The following GPC5 variants were observed in gnomAD, a reference collection of about 807,000 sequenced individuals.
GPC5 encodes glypican 5.
In GPC5, 47 loss-of-function variants were observed where a neutral mutation model predicts 53.9. The ratio of observed to expected loss-of-function variants is 0.87; its 90% CI spans 0.69 to 1.11. The LOEUF is 1.11. Among genes scored for constraint, GPC5 ranks in the 50% most tolerant of loss-of-function variants. GPC5 has a pLI of 0.00. For missense variants in GPC5, 748 were observed against 713.1 expected, an observed-to-expected ratio of 1.05 and a Z score of -0.56; for synonymous variants, 286 against 263.3, an observed-to-expected ratio of 1.09 and a Z score of -0.84.
intron 7 of GPC5, among the ~76,000 whole-genome samples, chr13:92,799,686 GC>G (rs1876830258): frequency 6.6e-6 from 1 of 151,826 alleles, no homozygotes; most frequent in Admixed American, 6.6e-5. Flanking sequence ...CTTTACCAAT[GC>G]CTGGGTTTGA....
At chr13:91,719,755 T>C (rs1219376582) in intron 3 of GPC5, among the ~76,000 whole-genome samples, 1 of 152,200 alleles carries the variant, frequency 6.6e-6, no homozygotes, top group Non-Finnish European at 1.5e-5. Context: ...GAATAAAATA[T>C]ATTCTACTCC....
rs186292289 is a variant in GPC5 at position 92,242,884 on chromosome 13, G to T, written c.1561+97895G>T. Among the ~76,000 whole-genome samples, 122 of 152,178 alleles carry T rather than the reference G, an allele frequency of 8.0e-4. 4 individuals are homozygous for T. The Middle Eastern group carries it at 0.014, about 17-fold the overall frequency. On this transcript the variant is annotated intron_variant, in intron 7 of 7. Coordinates refer to ENST00000377067, the MANE Select transcript of GPC5 (RefSeq NM_004466.6). ...CAATCTGTAAGAAAGAAATATTAAA[G>T]CTATAGGATTTTATGTGTCTAATTT...
At chr13:91,825,472 T>A (rs998129956) in intron 5 of GPC5, among the ~76,000 whole-genome samples, 4 of 152,148 alleles carry the variant, frequency 2.6e-5, no homozygotes, top group Non-Finnish European at 5.9e-5. Context: ...TGAATCATAA[T>A]GCCTTATAAT....
intron 7 of GPC5, among the ~76,000 whole-genome samples, chr13:92,837,538 G>A (rs1236918084): frequency 1.3e-5 from 2 of 152,136 alleles, no homozygotes; most frequent in Non-Finnish European, 2.9e-5. Context: ...ACGGAGATAT[G>A]CCACTGTGGG....
intron 7 of GPC5, among the ~76,000 whole-genome samples, chr13:92,277,200 A>ATC (rs1241045268): frequency 1.3e-5 from 2 of 152,040 alleles, no homozygotes; most frequent in African/African-American, 4.8e-5. Flanking sequence ...ATTGTAGGGA[A>ATC]TTGACACCCA....
intron 5 of GPC5, among the ~76,000 whole-genome samples, chr13:91,789,698 G>A (rs1168589145): frequency 6.6e-6 from 1 of 152,168 alleles, no homozygotes; most frequent in Non-Finnish European, 1.5e-5. Flanking sequence ...TGTACCTGTT[G>A]TAGTTCATTT....
At chr13:92,079,596 T>C (rs1470683349) in intron 6 of GPC5, among the ~76,000 whole-genome samples, 1 of 152,236 alleles carries the variant, frequency 6.6e-6, no homozygotes, top group African/African-American at 2.4e-5. Context: ...CTTTCCTTAC[T>C]TCGACAACAC....
intron 5 of GPC5, among the ~76,000 whole-genome samples, chr13:91,858,591 G>A (rs544344552): frequency 5.3e-5 from 8 of 151,962 alleles, no homozygotes; most frequent in South Asian, 2.1e-4. Context: ...GCATTTTTGC[G>A]TCAATGTTCA....
Position 92,707,630 on chromosome 13 carries a change from T to TA in GPC5, c.1562-158641dup, listed in dbSNP as rs925125375. ...AGAAACACAAATGAAAGCTCTTCTT[T>TA]AAAAAAAAAAATGCATGTGTACTAA... On this transcript the variant is annotated intron_variant, in intron 7 of 7. Coordinates refer to ENST00000377067, the MANE Select transcript of GPC5 (RefSeq NM_004466.6). Among the ~76,000 whole-genome samples the TA allele has an allele frequency of 5.2e-3, 764 of 147,026 alleles. 1 individual carries two copies. The highest frequency in any genetic ancestry group is 8.7e-3 in the African/African-American group (352 of 40,236).
chr13:92,497,017 T>G (rs950575932), intron 7 of GPC5, among the ~76,000 whole-genome samples: 2 of 152,180 alleles, frequency 1.3e-5, no homozygotes, highest in Middle Eastern at 3.2e-3. Context: ...CTTTATCAGA[T>G]GGGTAGATTA....
At chr13:92,855,270 G>T (rs1878958547) in intron 7 of GPC5, among the ~76,000 whole-genome samples, 1 of 151,692 alleles carries the variant, frequency 6.6e-6, no homozygotes, top group Non-Finnish European at 1.5e-5. Flanking sequence ...TTTCCTCAGT[G>T]GATTAGGAAT....
At chr13:92,503,576 A>G (rs1270918738) in intron 7 of GPC5, among the ~76,000 whole-genome samples, 2 of 151,778 alleles carry the variant, frequency 1.3e-5, no homozygotes, top group East Asian at 1.9e-4. Flanking sequence ...AAAAAAACCC[A>G]GGAAAACAAC....
At chr13:91,416,443 A>C (rs1197767252) in intron 1 of GPC5, among the ~76,000 whole-genome samples, 1 of 144,666 alleles carries the variant, frequency 6.9e-6, no homozygotes. Flanking sequence ...TACTTGAGAG[A>C]ATCCATTTCT....
chr13:92,664,161 G>C (rs1284740780), intron 7 of GPC5, among the ~76,000 whole-genome samples: 1 of 151,904 alleles, frequency 6.6e-6, no homozygotes, highest in Non-Finnish European at 1.5e-5. Flanking sequence ...GTGGAGGACT[G>C]CATGTGAAAG....
At chr13:92,137,179 A>G (rs2041791378) in intron 6 of GPC5, among the ~76,000 whole-genome samples, 1 of 152,164 alleles carries the variant, frequency 6.6e-6, no homozygotes, top group African/African-American at 2.4e-5. Context: ...TTTCCCATGT[A>G]TTATTATTCA....
chr13:91,621,114 A>T (rs1384265348), intron 2 of GPC5, among the ~76,000 whole-genome samples: 4 of 152,156 alleles, frequency 2.6e-5, no homozygotes, highest in Non-Finnish European at 5.9e-5. Flanking sequence ...GCTTAATTTC[A>T]TTATGTTTCA....
At chr13:91,924,604 G>C (rs1400570137) in intron 6 of GPC5, among the ~76,000 whole-genome samples, 1 of 151,890 alleles carries the variant, frequency 6.6e-6, no homozygotes, top group Non-Finnish European at 1.5e-5. Context: ...AGCTGGGCGT[G>C]GTGGTGGGCA....
chr13:92,034,673 T>C (rs1234727677), intron 6 of GPC5, among the ~76,000 whole-genome samples: 1 of 152,200 alleles, frequency 6.6e-6, no homozygotes, highest in East Asian at 1.9e-4. Context: ...TGTTAAATTA[T>C]ACACTTTTAT....
At chr13:92,764,426 T>A (rs1594490612) in intron 7 of GPC5, among the ~76,000 whole-genome samples, 1 of 152,170 alleles carries the variant, frequency 6.6e-6, no homozygotes, top group African/African-American at 2.4e-5. Flanking sequence ...TAGCGTCAGT[T>A]CCCTCTTAGG....
Sources: gnomAD v4.1 joint callset for allele counts (sites outside exome capture counted in the v4.1 genomes callset) on GRCh38, gnomAD v4.1.1 for gene constraint, MANE v1.5 for transcripts, NCBI Gene and HGNC (gene_info 2026-07-23, HGNC 2026-07-21) for gene names.